The following RIMS2 variants were observed in gnomAD, a reference collection of about 807,000 sequenced individuals.
The protein encoded by RIMS2 is regulating synaptic membrane exocytosis protein 2.
RIMS2 carries 59 observed loss-of-function variants against 174.4 expected under a neutral mutation model. That is an observed-to-expected ratio of 0.34 (90% CI 0.27 to 0.42). The LOEUF (loss-of-function observed/expected upper bound fraction) is 0.42, where lower values mean the gene tolerates loss of function less well. Ranked by LOEUF, RIMS2 falls within the 10% of genes least tolerant of loss-of-function variation. The pLI is 1.00. For synonymous variants in RIMS2, 606 were observed against 572.5 expected, an observed-to-expected ratio of 1.06 and a Z score of -0.84; for missense variants, 1,620 against 1,666.3, an observed-to-expected ratio of 0.97 and a Z score of 0.48.
intron 2 of RIMS2, among the ~76,000 whole-genome samples, chr8:103,733,201 A>G (rs1394282808): frequency 6.6e-6 from 1 of 152,030 alleles, no homozygotes; most frequent in Non-Finnish European, 1.5e-5. Context: ...TTCTTGCCCA[A>G]GGTGTGTCTA....
In RIMS2 at chr8:103,766,555, T is replaced by A; in HGVS notation, c.698+18T>A. ...TCAGACAGGTAAACATTTTGTTTAA[T>A]CTTTAGGCAAATGTATTACTTTTAG... On this transcript the variant is annotated intron_variant, in intron 3 of 23. Transcript: ENST00000504942. The A allele has an allele frequency of 1.9e-6, 3 of 1,547,354 alleles. No homozygotes were observed. Among genetic ancestry groups the A allele is most frequent in the Non-Finnish European group, 2.7e-6 (3 of 1,131,070 alleles).
intron 1 of RIMS2, among the ~76,000 whole-genome samples, chr8:103,592,970 G>T (rs2094329157): frequency 6.6e-6 from 1 of 151,306 alleles, no homozygotes; most frequent in Non-Finnish European, 1.5e-5. Flanking sequence ...TTTGAATTTT[G>T]AGCCAAAGTA....
At chr8:103,692,510 A>G (rs118160464) in intron 1 of RIMS2, among the ~76,000 whole-genome samples, 3,940 of 152,342 alleles carry the variant, frequency 0.026, 76 homozygotes, top group Non-Finnish European at 0.042. Context: ...TGTTGAAGCC[A>G]GCACATCTGT....
intron 3 of RIMS2, among the ~76,000 whole-genome samples, chr8:103,772,933 A>G (rs989661812): frequency 6.7e-6 from 1 of 148,802 alleles, no homozygotes; most frequent in African/African-American, 2.6e-5. Flanking sequence ...TTTTTACTGT[A>G]TAAAATTAAC....
chr8:103,810,685 T>C (rs1329786566), intron 3 of RIMS2, among the ~76,000 whole-genome samples: 8 of 152,150 alleles, frequency 5.3e-5, no homozygotes, highest in Non-Finnish European at 1.2e-4. Context: ...AATTAACATA[T>C]CCTAATGTTC....
intron 1 of RIMS2, among the ~76,000 whole-genome samples, chr8:103,580,022 A>T (rs1186780847): frequency 6.6e-6 from 1 of 152,134 alleles, no homozygotes; most frequent in Non-Finnish European, 1.5e-5. Flanking sequence ...ATCACCTCCC[A>T]TCAGGTCTCT....
intron 4 of RIMS2, among the ~76,000 whole-genome samples, chr8:103,894,016 C>T (rs2154522286): frequency 6.6e-6 from 1 of 152,204 alleles, no homozygotes; most frequent in South Asian, 2.1e-4. Context: ...ATGTGGATCA[C>T]ATGTTACCAG....
At chr8:103,818,345 A>T (rs1253553482) in intron 3 of RIMS2, among the ~76,000 whole-genome samples, 2 of 152,216 alleles carry the variant, frequency 1.3e-5, no homozygotes, top group African/African-American at 2.4e-5. Context: ...CAAGTGAGTT[A>T]ATATTTAAAA....
At chr8:103,515,453 T>A (rs1448674549) in intron 1 of RIMS2, among the ~76,000 whole-genome samples, 1 of 152,176 alleles carries the variant, frequency 6.6e-6, no homozygotes, top group Non-Finnish European at 1.5e-5. Flanking sequence ...ACAATTTCAA[T>A]GATATTTTTA....
Position 103,876,909 on chromosome 8 carries a change from T to TATAC in RIMS2, c.699-8388_699-8387insTACA, listed in dbSNP as rs71297243. Among the ~76,000 whole-genome samples, 273 of 65,924 alleles carry TATAC rather than the reference T, an allele frequency of 4.1e-3. 1 individual carries two copies. The highest frequency in any genetic ancestry group is 6.8e-3 in the Non-Finnish European group (185 of 27,276). 43.2% of individuals were successfully genotyped at this position (65,924 alleles called of 152,430 possible). A position where few individuals can be genotyped will look rare whatever the true frequency, so the allele number is the denominator to read the frequency against. On this transcript the variant is annotated intron_variant, in intron 3 of 23. Transcript: ENST00000504942. ...ATATATATATATATATATATATATA[T>TATAC]ACACACACACCCCCATATACATAAC...
intron 10 of RIMS2, chr8:103,922,805 G>A (rs1239909025): frequency 4.5e-6 from 1 of 220,962 alleles, no homozygotes; most frequent in Non-Finnish European, 9.6e-6. Flanking sequence ...TAATTAAAAG[G>A]AGTTATAGGA....
chr8:103,512,116 A>T (rs1032271261), intron 1 of RIMS2, among the ~76,000 whole-genome samples: 1 of 152,180 alleles, frequency 6.6e-6, no homozygotes, highest in Non-Finnish European at 1.5e-5. Context: ...GAAACTTGCT[A>T]AGAGGTTGAG....
At chr8:103,924,152 A>G (rs111832756) in intron 10 of RIMS2, among the ~76,000 whole-genome samples, 1 of 151,702 alleles carries the variant, frequency 6.6e-6, no homozygotes, top group Non-Finnish European at 1.5e-5. Flanking sequence ...TTCCAGAAAT[A>G]AAATTACAAT....
chr8:104,157,156 A>G (rs919546240), intron 19 of RIMS2, among the ~76,000 whole-genome samples: 3 of 152,188 alleles, frequency 2.0e-5, no homozygotes, highest in Non-Finnish European at 4.4e-5. Flanking sequence ...GTTATTTACT[A>G]CAAGTGACTC....
chr8:103,775,169 A>G (rs1398754953), intron 3 of RIMS2, among the ~76,000 whole-genome samples: 1 of 152,146 alleles, frequency 6.6e-6, no homozygotes, highest in African/African-American at 2.4e-5. Flanking sequence ...TTTAAGGACT[A>G]TCTAGGTAGT....
intron 2 of RIMS2, among the ~76,000 whole-genome samples, chr8:103,745,420 T>C (rs1350127459): frequency 2.6e-5 from 4 of 152,246 alleles, no homozygotes; most frequent in African/African-American, 4.8e-5. Context: ...TGAATAATGC[T>C]GCTGTGCACA....
intron 19 of RIMS2, among the ~76,000 whole-genome samples, chr8:104,037,733 A>T (rs1217372001): frequency 2.0e-5 from 3 of 152,158 alleles, no homozygotes; most frequent in Non-Finnish European, 4.4e-5. Context: ...ATCTCACATC[A>T]TATTCTCATG....
chr8:103,985,047 G>A (rs1282293707), intron 16 of RIMS2, among the ~76,000 whole-genome samples: 1 of 152,152 alleles, frequency 6.6e-6, no homozygotes, highest in Non-Finnish European at 1.5e-5. Flanking sequence ...GGGATGGGTC[G>A]CAGTGGGTGA....
At chr8:104,227,068 C>T (rs2099192319) in intron 19 of RIMS2, among the ~76,000 whole-genome samples, 1 of 152,102 alleles carries the variant, frequency 6.6e-6, no homozygotes, top group Non-Finnish European at 1.5e-5. Context: ...AAAACCAAAA[C>T]TCAGAGAAGC....
Sources: allele counts gnomAD v4.1 joint callset (sites outside exome capture counted in the v4.1 genomes callset), GRCh38; gene constraint gnomAD v4.1.1; transcripts MANE v1.5; gene names NCBI Gene and HGNC (gene_info 2026-07-23, HGNC 2026-07-21).